ERP44: variants seen among roughly 807,000 people sequenced by gnomAD.
The protein encoded by ERP44 is endoplasmic reticulum protein 44, also known as endoplasmic reticulum resident protein 44.
In ERP44, 25 loss-of-function variants were observed where a neutral mutation model predicts 53.4. The ratio of observed to expected loss-of-function variants is 0.47; its 90% confidence interval spans 0.34 to 0.65. ERP44 has a LOEUF of 0.65. ERP44 is among the 30% of genes least tolerant of loss of function. ERP44 has a pLI of 0.01. For synonymous variants in ERP44, 145 were observed against 161.2 expected (o/e 0.90, Z 0.76); for missense variants, 338 against 493.2 (o/e 0.69, Z 2.98).
intron 6 of ERP44, among the ~76,000 whole-genome samples, chr9:100,019,096 T>C (rs1020103846): frequency 1.3e-5 from 2 of 152,144 alleles, no homozygotes; most frequent in Non-Finnish European, 2.9e-5. Context: ...AAAAATGCTA[T>C]GAAGAAAATA....
rs1330056316 is a variant in ERP44 at position 99,981,332 on chromosome 9, T to TTTATTTTAATA, written c.*1279_*1280insTATTAAAATAA. On this transcript the variant is annotated 3_prime_UTR_variant, in exon 12 of 12. Coordinates refer to ENST00000262455, the MANE Select transcript of ERP44 (RefSeq NM_015051.3). ...TTAAATATCCATTATAAATATTAATTTTATTTTAAAAGAATTGGAAGATGT... is the reference window on the plus strand; with the variant it reads ...TTAAATATCCATTATAAATATTAATTTTATTTTAATATTATTTTAAAAGAATTGGAAGATGT... 1 of 152,628 alleles carries TTTATTTTAATA rather than the reference T, an allele frequency of 6.6e-6. No homozygotes were observed. Among genetic ancestry groups the TTTATTTTAATA allele is most frequent in the Non-Finnish European group, 1.5e-5 (1 of 68,036 alleles). 9.5% of individuals were successfully genotyped at this position (152,628 alleles called of 1,614,324 possible).
intron 6 of ERP44, among the ~76,000 whole-genome samples, chr9:100,018,636 C>T (rs990046965): frequency 5.3e-5 from 8 of 152,012 alleles, no homozygotes; most frequent in East Asian, 1.9e-4. Context: ...AAAACAAAAA[C>T]GAAATAACCC....
intron 4 of ERP44, among the ~76,000 whole-genome samples, chr9:100,044,292 A>G (rs1418267): frequency 0.69 from 104,623 of 152,092 alleles, 37,215 homozygotes; most frequent in East Asian, 0.91. Context: ...AGGAATAGAA[A>G]GGTAAAAACA....
chr9:100,022,102 C>T lies in ERP44; in HGVS notation c.411G>A (p.Arg137=). 6.2e-7 allele frequency: 1 copy of T among 1,613,592 alleles called. No homozygotes were observed. Among genetic ancestry groups the T allele is most frequent in the Non-Finnish European group, 8.5e-7 (1 of 1,179,780 alleles). ...RSVKALADYI[R]QQKSDPIQEI... is the part of the protein sequence containing the mutation. ...CTTGAATGGGGTCACTTTTTTGTTG[C>T]CTGATGTAATCTGCCAATGCTTTCA... The change falls in exon 5 of 12, where the codon AGG becomes AGA. Residue 137 remains arginine, a synonymous_variant. Coordinates refer to ENST00000262455, the MANE Select transcript of ERP44 (RefSeq NM_015051.3).
intron 2 of ERP44, 76 bp downstream of exon 2, chr9:100,060,024 G>GT: frequency 7.6e-6 from 9 of 1,185,726 alleles, no homozygotes; most frequent in Middle Eastern, 2.7e-4. Context: ...GATTTTATTG[G>GT]GTTTTTTTTT....
intron 4 of ERP44, among the ~76,000 whole-genome samples, chr9:100,041,696 C>A (rs1234379261): frequency 6.6e-6 from 1 of 151,942 alleles, no homozygotes; most frequent in Admixed American, 6.6e-5. Flanking sequence ...CAACAATAAA[C>A]AAACAAAAAA....
chr9:100,088,566 T>C (rs1826513141), intron 1 of ERP44, among the ~76,000 whole-genome samples: 2 of 152,230 alleles, frequency 1.3e-5, no homozygotes, highest in South Asian at 4.1e-4. Flanking sequence ...ATTAAGCATT[T>C]ACTCTATAAT....
rs201814591 is a variant in ERP44 at position 100,013,423 on chromosome 9, GA to G, written c.762+2898del. Among the ~76,000 whole-genome samples the G allele has an allele frequency of 1.3e-3, 175 of 135,490 alleles. 1 individual carries two copies. Among genetic ancestry groups the G allele is most frequent in the East Asian group, 4.0e-3 (20 of 4,952 alleles). 88.9% of individuals were successfully genotyped at this position (135,490 alleles called of 152,430 possible). ...ACACTTTTTGAAAGCATCTAAGAGT[GA>G]AAAAAAAAAAAAAAGAATTATGGGC... On this transcript the variant is annotated intron_variant, in intron 8 of 11. Transcript: ENST00000262455.
rs554711758 is a variant in ERP44, at chr9:100,059,491, G to C, written c.130+609C>G. On this transcript the variant is annotated intron_variant, in intron 2 of 11. Transcript: ENST00000262455. ...GCTTGAGGTCAGGAATTCAAGACCA[G>C]CCTGGGCAACATAGCAAGACCATGT... is the stretch of plus-strand genomic sequence containing the variant. 1.1e-3 allele frequency among the ~76,000 whole-genome samples: 163 copies of C among 152,272 alleles called. 1 individual carries two copies. Among genetic ancestry groups the C allele is most frequent in the Non-Finnish European group, 1.9e-3 (130 of 68,026 alleles).
chr9:100,067,196 C>G (rs1826221179), intron 1 of ERP44, among the ~76,000 whole-genome samples: 1 of 152,044 alleles, frequency 6.6e-6, no homozygotes, highest in Non-Finnish European at 1.5e-5. Context: ...CCTCTCCCCA[C>G]GGTCTCCCTC....
chr9:99,986,389 G>T (rs993758671), intron 10 of ERP44, among the ~76,000 whole-genome samples: 1 of 151,810 alleles, frequency 6.6e-6, no homozygotes, highest in African/African-American at 2.4e-5. Context: ...CTGCTCATAC[G>T]AATTGTCTGC....
At chr9:100,050,502 G>C (rs751548746) in intron 4 of ERP44, among the ~76,000 whole-genome samples, 1 of 152,022 alleles carries the variant, frequency 6.6e-6, no homozygotes, top group Non-Finnish European at 1.5e-5. Flanking sequence ...GAATTCTTAA[G>C]GTTCTTCCAG....
At chr9:100,008,006 T>C (rs1318446915) in intron 8 of ERP44, among the ~76,000 whole-genome samples, 1 of 152,192 alleles carries the variant, frequency 6.6e-6, no homozygotes, top group Non-Finnish European at 1.5e-5. Context: ...TCATGACATA[T>C]AGAGGTGAAC....
At chr9:100,000,858 C>A (rs1230716025) in intron 10 of ERP44, among the ~76,000 whole-genome samples, 1 of 151,514 alleles carries the variant, frequency 6.6e-6, no homozygotes, top group African/African-American at 2.4e-5. Context: ...TCATTTATTT[C>A]TTCTGATCTT....
At chr9:99,987,574 T>TCA (rs1269728858) in intron 10 of ERP44, among the ~76,000 whole-genome samples, 3 of 152,220 alleles carry the variant, frequency 2.0e-5, no homozygotes, top group East Asian at 3.8e-4. Context: ...ACAGCAGAAT[T>TCA]CACTTTTTTA....
intron 1 of ERP44, among the ~76,000 whole-genome samples, chr9:100,094,132 G>T (rs1159469886): frequency 1.3e-5 from 2 of 152,010 alleles, no homozygotes; most frequent in Non-Finnish European, 2.9e-5. Context: ...ACAGTGAACT[G>T]GTATCTATCC....
chr9:100,043,258 CAAAAAAAAAAAAAAAAAAA>C (rs56066117), intron 4 of ERP44, among the ~76,000 whole-genome samples: 5 of 20,266 alleles, frequency 2.5e-4, no homozygotes, highest in East Asian at 3.8e-3. Flanking sequence ...GACTCTGTCT[CAAAAAAAAAAAAAAAAAAA>C]AAAAAAAAAA....
chr9:100,069,129 A>G (rs1042840620), intron 1 of ERP44, among the ~76,000 whole-genome samples: 1 of 151,876 alleles, frequency 6.6e-6, no homozygotes, highest in East Asian at 1.9e-4. Context: ...CCCTAATCTC[A>G]TGTACCCAGG....
intron 1 of ERP44, among the ~76,000 whole-genome samples, chr9:100,060,569 T>C (rs868516029): frequency 2.0e-5 from 3 of 152,334 alleles, no homozygotes; most frequent in African/African-American, 7.2e-5. Context: ...TATCCTGCCA[T>C]GTTTCTAAGA....
Sources: gnomAD v4.1 joint callset for allele counts (sites outside exome capture counted in the v4.1 genomes callset) on GRCh38, gnomAD v4.1.1 for gene constraint, MANE v1.5 for transcripts, NCBI Gene and HGNC (gene_info 2026-07-23, HGNC 2026-07-21) for gene names.